SMARCC2: variants seen among roughly 807,000 people sequenced by gnomAD.
The protein encoded by SMARCC2 is SWI/SNF complex subunit SMARCC2.
SMARCC2 carries 15 observed loss-of-function variants against 151.3 expected under a neutral mutation model. The observed-to-expected ratio is 0.10, with a 90% confidence interval of 0.07 to 0.15. SMARCC2 has a LOEUF of 0.15. Among genes scored for constraint, SMARCC2 ranks in the 10% least tolerant of loss-of-function variants. SMARCC2 has a pLI of 1.00. For synonymous variants in SMARCC2, 590 were observed against 609.5 expected (o/e 0.97, Z 0.47); for missense variants, 1,031 against 1,599.7 (o/e 0.64, Z 6.06).
rs781593774 is a variant in SMARCC2 at position 56,165,716 on chromosome 12, A to C, written c.2851-17T>G. 1.9e-6 allele frequency: 3 copies of C among 1,605,344 alleles called. No homozygotes were observed. The Admixed American group carries it at 5.0e-5, about 27-fold the overall frequency. ...ATACTCCAGCTGCCAGTGCCAATTG[A>C]GTATTGTTATCCAATTTTCAGCAGA... On this transcript the variant is annotated splice_polypyrimidine_tract_variant and intron_variant, in intron 26 of 28. Coordinates refer to ENST00000550164, the MANE Select transcript of SMARCC2 (RefSeq NM_001330288.2).
At chr12:56,178,338 G>A (rs972913561) in intron 14 of SMARCC2, 66 bp downstream of exon 14, 1 of 1,572,106 alleles carries the variant, frequency 6.4e-7, no homozygotes, top group Non-Finnish European at 8.8e-7. Flanking sequence ...GCAGGGAGAA[G>A]AACAGCCTGT....
chr12:56,172,973 G>A lies in SMARCC2; in HGVS notation c.1707C>T (p.Asp569=). ...KAGRKGKELD[D]LVPETAKGKP... The stretch of plus-strand genomic sequence containing the variant: ...TGCCCTTAGCCGTCTCTGGCACCAG[G>A]TCATCCAGCTCTTTGCCCTTTCGCC... Residue 569 remains aspartate (D), a synonymous_variant, in exon 18 of 29, where the codon GAC becomes GAT. Coordinates refer to ENST00000550164, the MANE Select transcript of SMARCC2 (RefSeq NM_001330288.2). 6.2e-7 allele frequency: 1 copy of A among 1,613,952 alleles called. No individual in the cohort carries two copies. Among genetic ancestry groups the A allele is most frequent in the Non-Finnish European group, 8.5e-7 (1 of 1,180,042 alleles).
chr12:56,188,680 G>A (rs1281146586), intron 1 of SMARCC2, among the ~76,000 whole-genome samples: 1 of 152,178 alleles, frequency 6.6e-6, no homozygotes, highest in Admixed American at 6.5e-5. Context: ...TGCAAAGCTA[G>A]GTTGCAAGGT....
chr12:56,178,119 A>G, intron 14 of SMARCC2, 26 bp from the exon 15 acceptor site: 2 of 1,592,718 alleles, frequency 1.3e-6, no homozygotes, highest in South Asian at 2.2e-5. Flanking sequence ...GAATGGTTTC[A>G]GAAGAAGGCA....
chr12:56,186,464 T>C (rs1041649875), intron 2 of SMARCC2: 10 of 505,452 alleles, frequency 2.0e-5, no homozygotes, highest in African/African-American at 1.8e-4. Flanking sequence ...AATTCTCCTG[T>C]CTCAGCCTCC....
chr12:56,174,529 C>G, intron 16 of SMARCC2, 122 bp downstream of exon 16: 2 of 670,352 alleles, frequency 3.0e-6, no homozygotes, highest in South Asian at 3.5e-5. Flanking sequence ...CTTCACCTTT[C>G]TCTAGAGGTG....
rs773012030 is a variant in SMARCC2 at position 56,168,028 on chromosome 12, C to T, written c.2850+32G>A. The T allele has an allele frequency of 2.8e-5, 45 of 1,607,200 alleles. No individual in the cohort carries two copies. The Middle Eastern group carries it at 1.5e-3, about 55-fold the overall frequency. ...CCTCCGATTTTAAACTGAGGCACAG[C>T]GCAGCAGGGTTCCAGGGCTCCTGCT... is the stretch of plus-strand genomic sequence containing the variant. On this transcript the variant is annotated intron_variant, in intron 26 of 28. Transcript: ENST00000550164.
rs765495990 is a variant in SMARCC2, at chr12:56,186,257, C to A, written c.232-17G>T. 6.6e-7 allele frequency: 1 copy of A among 1,522,760 alleles called. No homozygotes were observed. The highest frequency in any genetic ancestry group is 1.4e-5 in the African/African-American group (1 of 72,986). The allele number at this position is 1,522,760 out of a possible 1,614,324, so 94.3% of individuals were successfully genotyped here. A position where few individuals can be genotyped will look rare whatever the true frequency, so the allele number is the denominator to read the frequency against. ...ACATTTGATCTACAAAATCAAGATA[C>A]GGAAAAAGCATGTCAAGGTTCCACT... On this transcript the variant is annotated splice_polypyrimidine_tract_variant and intron_variant, in intron 2 of 28. Coordinates refer to ENST00000550164, the MANE Select transcript of SMARCC2 (RefSeq NM_001330288.2).
Position 56,187,187 on chromosome 12 carries a change from CG to C in SMARCC2, c.230del (p.Pro77ArgfsTer6). The C allele has an allele frequency of 6.2e-7, 1 of 1,613,510 alleles. No homozygotes were observed. The highest frequency in any genetic ancestry group is 1.3e-5 in the African/African-American group (1 of 75,030). On this transcript the variant is annotated frameshift_variant and splice_region_variant, in exon 2 of 29. Transcript: ENST00000550164. LOFTEE classifies it high-confidence loss of function. ...CCCTCCCTGCTACTTCTGCACTCAC[CG>C]GCAGTTTAGTGAGCGGTGCATTGCT... ...HVSNAPLTKL[P>X]IKCFLDFKAG...
chr12:56,186,349 CT>C (rs371880557), intron 2 of SMARCC2, 109 bp from the exon 3 acceptor site: 87,825 of 519,954 alleles, frequency 0.17, 1 homozygote, highest in South Asian at 0.21. Context: ...ATTGATCTCC[CT>C]TTTTTTTTTT....
intron 10 of SMARCC2, 147 bp from the exon 11 acceptor site, chr12:56,181,248 A>G (rs1249180764): frequency 2.6e-6 from 2 of 781,250 alleles, no homozygotes; most frequent in African/African-American, 1.7e-5. Flanking sequence ...AGTAATGGGA[A>G]GTGGCAAAGG....
At chr12:56,170,278 T>TC (rs1873679797) in intron 22 of SMARCC2, 70 bp from the exon 23 acceptor site, 1 of 1,087,152 alleles carries the variant, frequency 9.2e-7, no homozygotes, top group African/African-American at 1.5e-5. Context: ...AACACTTTTC[T>TC]TTTTTTTTAG....
chr12:56,186,029 TCAGGTCTACTGACC>T, intron 3 of SMARCC2, 112 bp downstream of exon 3: 2 of 723,064 alleles, frequency 2.8e-6, no homozygotes, highest in South Asian at 3.2e-5. Flanking sequence ...ACGTAGTAAG[TCAGGTCTACTGACC>T]CAGCAAAATA....
At chr12:56,177,718 G>A (rs577417348) in intron 15 of SMARCC2, among the ~76,000 whole-genome samples, 3 of 152,254 alleles carry the variant, frequency 2.0e-5, no homozygotes, top group South Asian at 2.1e-4. Context: ...CAGTATAGAC[G>A]ATATCAGTAA....
rs1319503646 is a variant in SMARCC2 at position 56,171,078 on chromosome 12, AC to A, written c.2347+192del. On this transcript the variant is annotated intron_variant, in intron 22 of 28. Transcript: ENST00000550164. The surrounding 1 kb of genome is among the most constrained non-coding windows in gnomAD (Gnocchi z 4.2). ...CCCTTCTACAAGCAAAGATTTTTCT[AC>A]CCAAAATCTTCATGAGAGGACTAGT... Among the ~76,000 whole-genome samples the A allele has an allele frequency of 6.6e-6, 1 of 152,106 alleles. No individual in the cohort carries two copies. The highest frequency in any genetic ancestry group is 2.4e-5 in the African/African-American group (1 of 41,398).
intron 25 of SMARCC2, 100 bp from the exon 26 acceptor site, chr12:56,168,294 T>G: frequency 7.1e-7 from 1 of 1,399,304 alleles, no homozygotes; most frequent in Non-Finnish European, 9.9e-7. Flanking sequence ...AAGAACAAAT[T>G]TGCTGTGGTC....
chr12:56,180,437 C>T (rs1427815540), intron 11 of SMARCC2, among the ~76,000 whole-genome samples: 10 of 144,424 alleles, frequency 6.9e-5, no homozygotes, highest in Non-Finnish European at 1.2e-4. Flanking sequence ...GAGTTTTGCT[C>T]TTGTCGCCCA....
rs778356165 is a variant in SMARCC2 at position 56,172,945 on chromosome 12, G to A, written c.1735C>T (p.Pro579Ser). 2 of 1,613,468 alleles carry A rather than the reference G, an allele frequency of 1.2e-6. No individual in the cohort carries two copies. The highest frequency in any genetic ancestry group is 2.2e-5 in the South Asian group (2 of 91,092). Residue 579 changes from proline (P) to serine (S), a missense_variant, in exon 18 of 29, where the codon CCA becomes TCA. Coordinates refer to ENST00000550164, the MANE Select transcript of SMARCC2 (RefSeq NM_001330288.2). ...GTCTGCACCCCACCTACCAGCTCTG[G>A]CTTGCCCTTAGCCGTCTCTGGCACC... is the stretch of plus-strand genomic sequence containing the variant. ...DLVPETAKGK[P>S]ELQTSASQQM...
rs1190158076 is a variant in SMARCC2 at position 56,164,288 on chromosome 12, T to C, written c.3661+15A>G. 1.9e-6 allele frequency: 3 copies of C among 1,611,150 alleles called. No homozygotes were observed. In the Admixed American group the frequency reaches 5.0e-5, roughly 27 times the overall value. ...CCCTCTCCCTCACCCTTCTCCCCTC[T>C]TGGCCCCTTCTCACCTGGCAGTGGG... is the stretch of plus-strand genomic sequence containing the variant. On this transcript the variant is annotated intron_variant, in intron 28 of 28. Transcript: ENST00000550164.
Sources: allele counts gnomAD v4.1 joint callset (sites outside exome capture counted in the v4.1 genomes callset), GRCh38; gene constraint gnomAD v4.1.1; non-coding constraint Gnocchi (gnomAD v3.1); transcripts MANE v1.5; gene names NCBI Gene and HGNC (gene_info 2026-07-23, HGNC 2026-07-21).